Variants in C2CD5 observed in about 807,000 individuals in gnomAD.
The protein encoded by C2CD5 is C2 calcium dependent domain containing 5, also known as C2 domain-containing protein 5.
Under a neutral mutation model 130.3 loss-of-function variants are expected in C2CD5, and 109 were observed. The observed-to-expected ratio is 0.84, with a 90% confidence interval of 0.72 to 0.98. The LOEUF is 0.98. Among genes scored for constraint, C2CD5 ranks in the 50% least tolerant of loss-of-function variants. The pLI is 0.00. For missense variants in C2CD5, 996 were observed against 1,261.8 expected, an observed-to-expected ratio of 0.79 and a Z score of 3.19; for synonymous variants, 454 against 429.2, an observed-to-expected ratio of 1.06 and a Z score of -0.71.
At chr12:22,476,755 A>G (rs532229197) in intron 15 of C2CD5, among the ~76,000 whole-genome samples, 39 of 152,242 alleles carry the variant, frequency 2.6e-4, no homozygotes, top group African/African-American at 8.9e-4. Context: ...AGAGGTCAGG[A>G]TGGATTTACA....
intron 3 of C2CD5, among the ~76,000 whole-genome samples, chr12:22,532,141 A>C (rs1045096648): frequency 2.0e-5 from 3 of 152,044 alleles, no homozygotes; most frequent in Non-Finnish European, 4.4e-5. Context: ...GAACAGCTTG[A>C]CCAACATGGA....
At chr12:22,533,311 T>C (rs1339308512) in intron 3 of C2CD5, among the ~76,000 whole-genome samples, 1 of 152,132 alleles carries the variant, frequency 6.6e-6, no homozygotes, top group African/African-American at 2.4e-5. Flanking sequence ...AAATAAAAGG[T>C]GCCTTCACGG....
intron 26 of C2CD5, among the ~76,000 whole-genome samples, chr12:22,452,360 T>C (rs1368767031): frequency 1.3e-5 from 2 of 152,098 alleles, no homozygotes; most frequent in Non-Finnish European, 2.9e-5. Context: ...GCAGCCCTCC[T>C]GGTTTCCCTC....
intron 12 of C2CD5, among the ~76,000 whole-genome samples, chr12:22,489,259 A>AT: frequency 6.6e-6 from 1 of 151,988 alleles, no homozygotes; most frequent in Non-Finnish European, 1.5e-5. Flanking sequence ...ATAAGGGGTA[A>AT]TTAAAATCTG....
chr12:22,484,962 A>T, intron 12 of C2CD5, 74 bp from the exon 13 acceptor site: 1 of 652,398 alleles, frequency 1.5e-6, no homozygotes, highest in Non-Finnish European at 2.4e-6. Context: ...TATGTAACTG[A>T]TATTACATAC....
At chr12:22,532,949 A>G (rs181914476) in intron 3 of C2CD5, among the ~76,000 whole-genome samples, 44 of 152,336 alleles carry the variant, frequency 2.9e-4, no homozygotes, top group African/African-American at 8.7e-4. Flanking sequence ...AAGTAGTCCA[A>G]TGAAAATTCC....
At chr12:22,498,743 A>T (rs1192682633) in intron 10 of C2CD5, among the ~76,000 whole-genome samples, 1 of 152,174 alleles carries the variant, frequency 6.6e-6, no homozygotes, top group Non-Finnish European at 1.5e-5. Context: ...CCTTTTAAAA[A>T]TTTTCTCAAA....
At chr12:22,490,030 C>T in intron 12 of C2CD5, 93 bp downstream of exon 12, 1 of 855,244 alleles carries the variant, frequency 1.2e-6, no homozygotes, top group Non-Finnish European at 1.9e-6. Context: ...CTGTAAGCCA[C>T]CCTACGGAGA....
At chr12:22,523,269 AAAT>A (rs1486837044) in intron 7 of C2CD5, among the ~76,000 whole-genome samples, 154 bp downstream of exon 7, 1 of 152,208 alleles carries the variant, frequency 6.6e-6, no homozygotes, top group Admixed American at 6.5e-5. Context: ...AGGAATATTT[AAAT>A]ATTTTTAAGT....
At chr12:22,453,779 G>A (rs544335962) in intron 26 of C2CD5, 117 bp downstream of exon 26, 6 of 788,728 alleles carry the variant, frequency 7.6e-6, no homozygotes, top group African/African-American at 3.5e-5. Context: ...AATATCTTAC[G>A]CATCTAGACT....
At chr12:22,512,772 C>T (rs1211012237) in intron 9 of C2CD5, 5 of 823,924 alleles carry the variant, frequency 6.1e-6, no homozygotes, top group Non-Finnish European at 9.2e-6. Flanking sequence ...ACAAATATAG[C>T]TAAATCTCAA....
Position 22,535,361 on chromosome 12 carries a change from A to T in C2CD5, c.91-17T>A. The T allele has an allele frequency of 7.8e-7, 1 of 1,277,416 alleles. No individual in the cohort carries two copies. The allele number at this position is 1,277,416 out of a possible 1,614,324, so 79.1% of individuals were successfully genotyped here. A position where few individuals can be genotyped will look rare whatever the true frequency, so the allele number is the denominator to read the frequency against. On this transcript the variant is annotated splice_polypyrimidine_tract_variant and intron_variant, in intron 2 of 26. Transcript: ENST00000446597. ...AAATTTTACCTAAAAACAAATAAGA[A>T]ATTATTCACATATGAATATCAAAAA...
At chr12:22,530,293 T>C (rs1951153492) in intron 3 of C2CD5, among the ~76,000 whole-genome samples, 1 of 149,540 alleles carries the variant, frequency 6.7e-6, no homozygotes, top group Non-Finnish European at 1.5e-5. Context: ...TGTGTATATA[T>C]ATTTAAAACT....
At chr12:22,467,429 G>A (rs539682874) in intron 22 of C2CD5, among the ~76,000 whole-genome samples, 16 of 152,098 alleles carry the variant, frequency 1.1e-4, no homozygotes, top group Non-Finnish European at 1.5e-4. Context: ...ATGAGTCACC[G>A]CGCCCAGCTG....
intron 22 of C2CD5, among the ~76,000 whole-genome samples, chr12:22,466,893 G>C (rs545265585): frequency 1.2e-4 from 18 of 152,232 alleles, no homozygotes; most frequent in Non-Finnish European, 2.4e-4. Flanking sequence ...GACAATAAAG[G>C]GTGGCATAAT....
rs772890026 is a variant in C2CD5 at position 22,471,464 on chromosome 12, T to C, written c.2293A>G (p.Met765Val). Residue 765 changes from methionine to valine, a missense_variant, in exon 20 of 27, where the codon ATG (methionine) becomes GTG (valine). Met to Val is a conservative substitution (Grantham distance 21). Transcript: ENST00000446597. ...ACATGGCAAAGGCAGCAGGGGATCATAGATCGTAGTTTAAAGTACAGGCTC... is the reference window on the plus strand; with the variant it reads ...ACATGGCAAAGGCAGCAGGGGATCACAGATCGTAGTTTAAAGTACAGGCTC... ...LKSLYFKLRSMIPCCLCHVNF... is the reference protein window; with the variant it reads ...LKSLYFKLRSVIPCCLCHVNF... 1.9e-6 allele frequency: 3 copies of C among 1,597,290 alleles called. No individual in the cohort carries two copies. The highest frequency in any genetic ancestry group is 1.7e-5 in the Admixed American group (1 of 59,838).
At chr12:22,493,110 C>CA in intron 11 of C2CD5, 113 bp downstream of exon 11, 1 of 578,494 alleles carries the variant, frequency 1.7e-6, no homozygotes, top group Non-Finnish European at 3.0e-6. Flanking sequence ...CTCCAAGGCC[C>CA]ATGCTCCTGA....
At chr12:22,453,690 C>A (rs570687777) in intron 26 of C2CD5, among the ~76,000 whole-genome samples, 1 of 152,114 alleles carries the variant, frequency 6.6e-6, no homozygotes, top group Admixed American at 6.5e-5. Flanking sequence ...AAGAATAATA[C>A]CCTAGTTACC....
intron 3 of C2CD5, among the ~76,000 whole-genome samples, chr12:22,528,096 A>G (rs537041590): frequency 5.9e-5 from 9 of 152,318 alleles, no homozygotes; most frequent in African/African-American, 2.2e-4. Flanking sequence ...AAAGAAAAAA[A>G]GTTTATCTCT....
Sources: gnomAD v4.1 joint callset for allele counts (sites outside exome capture counted in the v4.1 genomes callset) on GRCh38, gnomAD v4.1.1 for gene constraint, MANE v1.5 for transcripts, NCBI Gene and HGNC (gene_info 2026-07-23, HGNC 2026-07-21) for gene names.